The following FANK1 variants were observed in gnomAD, a reference collection of about 807,000 sequenced individuals.
The protein encoded by FANK1 is fibronectin type III and ankyrin repeat domains 1.
Under a neutral mutation model 45.3 loss-of-function variants are expected in FANK1, and 44 were observed. The ratio of observed to expected loss-of-function variants is 0.97; its 90% CI spans 0.76 to 1.25. The LOEUF is 1.25. FANK1 is among the 50% of genes most tolerant of loss of function. FANK1 has a pLI of 0.00. For synonymous variants in FANK1, 149 were observed against 152.5 expected (o/e 0.98, Z 0.17); for missense variants, 391 against 424.4 (o/e 0.92, Z 0.69).
At chr10:125,985,604 C>G (rs764341669) in intron 2 of FANK1, among the ~76,000 whole-genome samples, 1 of 152,116 alleles carries the variant, frequency 6.6e-6, no homozygotes, top group Non-Finnish European at 1.5e-5. Flanking sequence ...CATTGTCTTT[C>G]CTACAGTTTC....
At chr10:125,912,159 A>G (rs1487076299) in intron 1 of FANK1, among the ~76,000 whole-genome samples, 3 of 152,156 alleles carry the variant, frequency 2.0e-5, no homozygotes, top group African/African-American at 7.2e-5. Context: ...TGGCCCTGGC[A>G]CCTGATTCAG....
chr10:125,925,223 A>G (rs1416990689), intron 1 of FANK1, among the ~76,000 whole-genome samples: 1 of 152,230 alleles, frequency 6.6e-6, no homozygotes, highest in Non-Finnish European at 1.5e-5. Flanking sequence ...CTGTCTCCTC[A>G]TCTGTCAACT....
chr10:125,908,075 C>A (rs1198175836), intron 1 of FANK1, among the ~76,000 whole-genome samples: 1 of 149,846 alleles, frequency 6.7e-6, no homozygotes, highest in Non-Finnish European at 1.5e-5. Context: ...CGGCTCACTA[C>A]AACCTCTGCC....
intron 7 of FANK1, 127 bp downstream of exon 7, chr10:126,005,176 T>C: frequency 9.0e-7 from 1 of 1,105,658 alleles, no homozygotes. Context: ...TTTTCTGACT[T>C]AGCAAGAAAG....
chr10:125,935,219 G>A (rs71490748), intron 1 of FANK1, among the ~76,000 whole-genome samples: 178 of 152,142 alleles, frequency 1.2e-3, no homozygotes, highest in African/African-American at 4.1e-3. Context: ...TCGTGGCATC[G>A]ACAGCAGTTT....
chr10:125,931,165 C>T (rs762939651), intron 1 of FANK1, among the ~76,000 whole-genome samples: 1 of 152,102 alleles, frequency 6.6e-6, no homozygotes, highest in African/African-American at 2.4e-5. Flanking sequence ...TGAATTGTGC[C>T]GCTATAAACA....
At chr10:125,918,439 C>T (rs1406616819) in intron 1 of FANK1, among the ~76,000 whole-genome samples, 1 of 151,720 alleles carries the variant, frequency 6.6e-6, no homozygotes, top group Non-Finnish European at 1.5e-5. Flanking sequence ...ACCTGTAATC[C>T]CACCTACTTG....
At chr10:125,969,203 T>G (rs995659031) in intron 1 of FANK1, among the ~76,000 whole-genome samples, 1 of 150,248 alleles carries the variant, frequency 6.7e-6, no homozygotes, top group African/African-American at 2.4e-5. Flanking sequence ...GAACATAAGG[T>G]CTCCTTTTTC....
At chr10:125,958,882 A>G (rs191164444) in intron 1 of FANK1, among the ~76,000 whole-genome samples, 1 of 152,372 alleles carries the variant, frequency 6.6e-6, no homozygotes, top group Non-Finnish European at 1.5e-5. Context: ...GATCAGAGGA[A>G]TTAATTTTTT....
In FANK1 at chr10:125,980,165, C is replaced by T; in HGVS notation, c.18C>T (p.Ile6=). Residue 6 remains isoleucine (I), a synonymous_variant, in exon 2 of 11, where the codon ATC becomes ATT. Coordinates refer to ENST00000368693, the MANE Select transcript of FANK1 (RefSeq NM_145235.5). MEPQK[I]MPPSKPHPPV... ...CGGTGTCATTCTTTTTTTTAGAAAT[C>T]ATGCCACCCTCAAAGCCTCATCCAC... The T allele has an allele frequency of 6.2e-7, 1 of 1,603,490 alleles. No individual in the cohort carries two copies. The highest frequency in any genetic ancestry group is 1.8e-5 in the Admixed American group (1 of 57,142).
intron 1 of FANK1, among the ~76,000 whole-genome samples, chr10:125,949,437 C>T (rs1173972230): frequency 1.3e-5 from 2 of 152,140 alleles, no homozygotes; most frequent in Admixed American, 6.5e-5. Context: ...GATACAAAAT[C>T]AATGTACAAA....
At chr10:125,913,315 CTCAGGTGACACCTAAAT>C (rs1193519652) in intron 1 of FANK1, among the ~76,000 whole-genome samples, 3 of 150,818 alleles carry the variant, frequency 2.0e-5, no homozygotes, top group African/African-American at 5.0e-5. Context: ...GACACCTAAA[CTCAGGTGACACCTAAAT>C]GCTGCATGAC....
At chr10:125,913,315 C>T (rs1278795589) in intron 1 of FANK1, among the ~76,000 whole-genome samples, 1 of 150,818 alleles carries the variant, frequency 6.6e-6, no homozygotes, top group Admixed American at 6.6e-5. Context: ...GACACCTAAA[C>T]TCAGGTGACA....
At chr10:125,991,548 G>A (rs1273102474) in intron 3 of FANK1, among the ~76,000 whole-genome samples, 2 of 152,140 alleles carry the variant, frequency 1.3e-5, no homozygotes, top group African/African-American at 4.8e-5. Context: ...GATACAAAAT[G>A]CTTCTGTGTG....
chr10:125,896,968 C>T (rs1232207958), intron 1 of FANK1, among the ~76,000 whole-genome samples: 2 of 152,322 alleles, frequency 1.3e-5, no homozygotes, highest in African/African-American at 2.4e-5. Context: ...TTCGCCCGGA[C>T]GGTTCCATTT....
At chr10:125,953,266 G>T (rs577421909) in intron 1 of FANK1, among the ~76,000 whole-genome samples, 2 of 152,272 alleles carry the variant, frequency 1.3e-5, no homozygotes, top group African/African-American at 4.8e-5. Flanking sequence ...TGTGCAGTTT[G>T]GTGGTTTGCA....
intron 1 of FANK1, among the ~76,000 whole-genome samples, chr10:125,955,394 G>C (rs1050924216): frequency 6.6e-6 from 1 of 152,070 alleles, no homozygotes; most frequent in Non-Finnish European, 1.5e-5. Flanking sequence ...GAGGATAATG[G>C]CTTCCAGCTC....
chr10:125,914,149 CT>C (rs1946254906), intron 1 of FANK1, among the ~76,000 whole-genome samples: 1 of 152,126 alleles, frequency 6.6e-6, no homozygotes, highest in Non-Finnish European at 1.5e-5. Flanking sequence ...TCCCAGACAA[CT>C]TCCTATGGAC....
intron 1 of FANK1, among the ~76,000 whole-genome samples, chr10:125,949,232 C>T (rs1949030633): frequency 6.6e-6 from 1 of 150,832 alleles, no homozygotes; most frequent in Non-Finnish European, 1.5e-5. Context: ...CCTCTCTCAC[C>T]ACTCCTATTC....
Sources: allele counts gnomAD v4.1 joint callset (sites outside exome capture counted in the v4.1 genomes callset), GRCh38; gene constraint gnomAD v4.1.1; transcripts MANE v1.5; gene names NCBI Gene and HGNC (gene_info 2026-07-23, HGNC 2026-07-21).